The following ABL1 variants were observed in gnomAD, a reference collection of about 807,000 sequenced individuals.
The protein encoded by ABL1 is ABL proto-oncogene 1, non-receptor tyrosine kinase.
In ABL1, 11 loss-of-function variants were observed where a neutral mutation model predicts 94.7. The ratio of observed to expected loss-of-function variants is 0.12; its 90% CI spans 0.07 to 0.19. The LOEUF (loss-of-function observed/expected upper bound fraction) is 0.19, where lower values mean the gene tolerates loss of function less well. Ranked by LOEUF, ABL1 falls within the 10% of genes least tolerant of loss-of-function variation. ABL1 has a pLI of 1.00. For missense variants in ABL1, 1,082 were observed against 1,489.4 expected (o/e 0.73, Z 4.50); for synonymous variants, 656 against 622.4 (o/e 1.05, Z -0.80).
At chr9:130,881,919 A>G (rs758179244) in intron 10 of ABL1, among the ~76,000 whole-genome samples, 24 of 152,090 alleles carry the variant, frequency 1.6e-4, no homozygotes, top group Non-Finnish European at 3.1e-4. Flanking sequence ...GCCCATATAT[A>G]TGGTATATAA....
At chr9:130,757,053 G>A (rs539509933) in intron 1 of ABL1, among the ~76,000 whole-genome samples, 15 of 152,294 alleles carry the variant, frequency 9.8e-5, no homozygotes, top group South Asian at 4.1e-4. Flanking sequence ...CCTTCCAGCC[G>A]TCTGTGAGAA....
intron 1 of ABL1, among the ~76,000 whole-genome samples, chr9:130,844,468 G>A (rs1002111904): frequency 7.9e-5 from 12 of 151,082 alleles, no homozygotes; most frequent in East Asian, 1.9e-4. Context: ...CTTTTTCACC[G>A]TAGATTCTTG....
At chr9:130,843,423 A>T (rs1445425241) in intron 1 of ABL1, among the ~76,000 whole-genome samples, 1 of 152,240 alleles carries the variant, frequency 6.6e-6, no homozygotes, top group Non-Finnish European at 1.5e-5. Flanking sequence ...GGTTGATGCC[A>T]TGCCGTTGTT....
chr9:130,808,908 A>T (rs926485783), intron 1 of ABL1, among the ~76,000 whole-genome samples: 2 of 152,244 alleles, frequency 1.3e-5, no homozygotes, highest in Non-Finnish European at 2.9e-5. Context: ...TGAAGTTATT[A>T]GGTCTAAGGT....
At chr9:130,853,177 T>TTC (rs1399682249) in intron 1 of ABL1, among the ~76,000 whole-genome samples, 2 of 130,308 alleles carry the variant, frequency 1.5e-5, no homozygotes, top group Admixed American at 1.5e-4. Context: ...TTTCTTTTTT[T>TTC]TTTTTTTTTT....
At chr9:130,749,722 T>C (rs1268075467) in intron 1 of ABL1, among the ~76,000 whole-genome samples, 3 of 152,196 alleles carry the variant, frequency 2.0e-5, no homozygotes, top group Non-Finnish European at 4.4e-5. Context: ...GAGATCAGGA[T>C]GAGCTGATGT....
chr9:130,871,879 C>T (rs936887523), intron 4 of ABL1, among the ~76,000 whole-genome samples: 2 of 152,354 alleles, frequency 1.3e-5, no homozygotes. Flanking sequence ...AGGTTGTCGG[C>T]ACATGCAAGC....
chr9:130,847,955 C>T (rs1190304392), intron 1 of ABL1, among the ~76,000 whole-genome samples: 1 of 152,154 alleles, frequency 6.6e-6, no homozygotes, highest in Non-Finnish European at 1.5e-5. Context: ...GGCCACTTCC[C>T]CGATTATGTA....
At chr9:130,849,168 C>G (rs542424346) in intron 1 of ABL1, among the ~76,000 whole-genome samples, 1 of 152,166 alleles carries the variant, frequency 6.6e-6, no homozygotes, top group Non-Finnish European at 1.5e-5. Flanking sequence ...AAAATATATC[C>G]TATTTTATGC....
chr9:130,751,904 G>A (rs1353382149), intron 1 of ABL1, among the ~76,000 whole-genome samples: 5 of 152,322 alleles, frequency 3.3e-5, no homozygotes, highest in African/African-American at 1.2e-4. Context: ...TAAACTGTAG[G>A]TGCAGGGGAG....
intron 4 of ABL1, among the ~76,000 whole-genome samples, chr9:130,868,000 C>T (rs1588274783): frequency 6.6e-6 from 1 of 151,398 alleles, no homozygotes; most frequent in Non-Finnish European, 1.5e-5. Context: ...CACTCTGTCA[C>T]CCAGGCTGGA....
intron 1 of ABL1, among the ~76,000 whole-genome samples, chr9:130,812,195 C>A: frequency 7.9e-6 from 1 of 126,004 alleles, no homozygotes; most frequent in African/African-American, 3.1e-5. Context: ...GAGACTCCAT[C>A]TCTACAAAAA....
intron 1 of ABL1, among the ~76,000 whole-genome samples, chr9:130,730,801 A>G (rs538752923): frequency 6.6e-6 from 1 of 151,784 alleles, no homozygotes; most frequent in South Asian, 2.1e-4. Flanking sequence ...CAAACTCCTG[A>G]GGTCAAACCA....
Position 130,880,396 on chromosome 9 carries a change from C to G in ABL1, c.1514-104C>G. The G allele has an allele frequency of 7.3e-7, 1 of 1,379,030 alleles. No homozygotes were observed. Among genetic ancestry groups the G allele is most frequent in the Non-Finnish European group, 1.0e-6 (1 of 999,766 alleles). 85.4% of individuals were successfully genotyped at this position (1,379,030 alleles called of 1,614,324 possible). On this transcript the variant is annotated intron_variant, in intron 9 of 10. Transcript: ENST00000318560. The surrounding 1 kb of genome is among the most constrained non-coding windows in gnomAD (Gnocchi z 4.4). ...CACGTGCCTTTTCTTTAGTTGTATG[C>G]AGATGAGCACTGTTACCTTACAAAG...
chr9:130,851,533 C>T (rs754058284), intron 1 of ABL1, among the ~76,000 whole-genome samples: 1 of 151,646 alleles, frequency 6.6e-6, no homozygotes, highest in African/African-American at 2.4e-5. Flanking sequence ...GTCATGTTTC[C>T]GGAAGTTTGA....
chr9:130,844,102 C>T (rs759463656), intron 1 of ABL1, among the ~76,000 whole-genome samples: 1 of 152,234 alleles, frequency 6.6e-6, no homozygotes, highest in Non-Finnish European at 1.5e-5. Flanking sequence ...GAGACAGGGC[C>T]ACCTCCCAAG....
chr9:130,770,779 A>G (rs1268874719), intron 1 of ABL1, among the ~76,000 whole-genome samples: 1 of 152,176 alleles, frequency 6.6e-6, no homozygotes, highest in Non-Finnish European at 1.5e-5. Flanking sequence ...TTCACATAAA[A>G]GAGAAGAGAT....
intron 1 of ABL1, among the ~76,000 whole-genome samples, chr9:130,752,311 TA>T: frequency 6.6e-6 from 1 of 152,290 alleles, no homozygotes; most frequent in South Asian, 2.1e-4. Context: ...TTCTCATCTT[TA>T]AGATAGGGTT....
chr9:130,801,868 T>C (rs1227091853), intron 1 of ABL1, among the ~76,000 whole-genome samples: 2 of 152,198 alleles, frequency 1.3e-5, no homozygotes, highest in African/African-American at 4.8e-5. Flanking sequence ...TTTGGAGTAT[T>C]TGACTATGAA....
Sources: allele counts gnomAD v4.1 joint callset (sites outside exome capture counted in the v4.1 genomes callset), GRCh38; gene constraint gnomAD v4.1.1; non-coding constraint Gnocchi (gnomAD v3.1); transcripts MANE v1.5; gene names NCBI Gene and HGNC (gene_info 2026-07-23, HGNC 2026-07-21).